ADRM1: variants seen among roughly 807,000 people sequenced by gnomAD.
ADRM1 encodes ADRM1 26S proteasome ubiquitin receptor.
In ADRM1, 2 loss-of-function variants were observed where a neutral mutation model predicts 40.1. That is an observed-to-expected ratio of 0.05 (90% confidence interval 0.02 to 0.16). The LOEUF (loss-of-function observed/expected upper bound fraction) is 0.16, where lower values mean the gene tolerates loss of function less well. Among genes scored for constraint, ADRM1 ranks in the 10% least tolerant of loss-of-function variants. The probability of loss-of-function intolerance (pLI) is 1.00; values close to 1 mark genes in which losing one functional copy is unlikely to be tolerated. For synonymous variants in ADRM1, 287 were observed against 240.4 expected (o/e 1.19, Z -1.79); for missense variants, 467 against 552.5 (o/e 0.85, Z 1.55).
chr20:62,306,743 C>T lies in ADRM1; in HGVS notation c.541+9C>T, dbSNP rs1434970902. The T allele has an allele frequency of 1.3e-5, 21 of 1,596,790 alleles. No homozygotes were observed. Among genetic ancestry groups the T allele is most frequent in the Admixed American group, 3.4e-5 (2 of 57,982 alleles). On this transcript the variant is annotated intron_variant, in intron 5 of 9. Transcript: ENST00000253003. ...CGGCCTTGGAGGACTGGGTAACGTG[C>T]GCCACCCGGGCTCTCGGGCAGCTTC... is the stretch of plus-strand genomic sequence containing the variant.
At position 62,307,780 on chromosome 20, in the gene ADRM1, A is replaced by C; in HGVS notation, c.808A>C (p.Ile270Leu). The change falls in exon 7 of 10, where the codon ATC becomes CTC. Residue 270 changes from isoleucine (I) to leucine (L), a missense_variant. Physicochemically the swap from Ile to Leu is conservative, Grantham distance 5. This residue lies in a region of ADRM1 where 418 missense variants were observed against 474.6 expected (regional missense o/e 0.88). Coordinates refer to ENST00000253003, the MANE Select transcript of ADRM1 (RefSeq NM_007002.4). ...CATCCAGCTGAGCGACCTCCAGAGC[A>C]TCCTGGCCACGATGAACGTACCAGC... Reference protein sequence around the residue: ...QPIQLSDLQSILATMNVPAGP... With the variant: ...QPIQLSDLQSLLATMNVPAGP... 12 of 1,611,478 alleles carry C rather than the reference A, an allele frequency of 7.4e-6. No individual in the cohort carries two copies. Among genetic ancestry groups the C allele is most frequent in the Non-Finnish European group, 1.0e-5 (12 of 1,179,630 alleles).
At position 62,304,725 on chromosome 20, in the gene ADRM1, G is replaced by A. The variant is rs2145998795; in HGVS notation, c.330+148G>A. 8 of 761,912 alleles carry A rather than the reference G, an allele frequency of 1.0e-5. 1 individual carries two copies. The highest frequency in any genetic ancestry group is 9.4e-5 in the South Asian group (6 of 64,096). The allele number at this position is 761,912 out of a possible 1,614,324, so 47.2% of individuals were successfully genotyped here. A position where few individuals can be genotyped will look rare whatever the true frequency, so the allele number is the denominator to read the frequency against. Reference sequence around the variant, plus strand: ...GCCTGAGATGCCACCTCAGGGCTGCGGTGCATGCTACCTGGGGCCGAGGTC... The same window carrying A: ...GCCTGAGATGCCACCTCAGGGCTGCAGTGCATGCTACCTGGGGCCGAGGTC... On this transcript the variant is annotated intron_variant, in intron 3 of 9. Coordinates refer to ENST00000253003, the MANE Select transcript of ADRM1 (RefSeq NM_007002.4).
At position 62,303,017 on chromosome 20, in the gene ADRM1, G is replaced by C. The variant is rs1334088718; in HGVS notation, c.-34G>C. On this transcript the variant is annotated 5_prime_UTR_variant, in exon 1 of 10. Coordinates refer to ENST00000253003, the MANE Select transcript of ADRM1 (RefSeq NM_007002.4). ...CCGAGGAGGAAGAGCGAGCCCGGAC[G>C]GCGCCTCTCGAACGAGTGTGGGCGC... 6.6e-6 allele frequency: 1 copy of C among 152,078 alleles called. No individual in the cohort carries two copies. The highest frequency in any genetic ancestry group is 6.6e-5 in the Admixed American group (1 of 15,262). The allele number at this position is 152,078 out of a possible 1,614,324, so 9.4% of individuals were successfully genotyped here. A position where few individuals can be genotyped will look rare whatever the true frequency, so the allele number is the denominator to read the frequency against.
At chr20:62,303,812 AGGC>A in intron 2 of ADRM1, 31 bp downstream of exon 2, 1 of 1,597,074 alleles carries the variant, frequency 6.3e-7, no homozygotes, top group Non-Finnish European at 8.5e-7. Flanking sequence ...GCAGCAGGAC[AGGC>A]GACTTCTCGG....
rs1324805970 is a variant in ADRM1, at chr20:62,303,069, T to G, written c.-2+20T>G. ...AGGCAGGTGCGGGAGTCGCCGGGCC[T>G]GGGGCGGCCGGGGGCGACCGGAGGC... On this transcript the variant is annotated intron_variant, in intron 1 of 9. Transcript: ENST00000253003. The G allele has an allele frequency of 2.9e-5, 4 of 139,060 alleles. No homozygotes were observed. Among genetic ancestry groups the G allele is most frequent in the Admixed American group, 1.4e-4 (2 of 13,998 alleles). 8.6% of individuals were successfully genotyped at this position (139,060 alleles called of 1,614,324 possible). A position where few individuals can be genotyped will look rare whatever the true frequency, so the allele number is the denominator to read the frequency against.
At position 62,303,709 on chromosome 20, in the gene ADRM1, G is replaced by A. The variant is rs924618727; in HGVS notation, c.141G>A (p.Val47=). The A allele has an allele frequency of 1.9e-6, 3 of 1,612,562 alleles. No individual in the cohort carries two copies. Among genetic ancestry groups the A allele is most frequent in the Middle Eastern group, 1.7e-4 (1 of 6,060 alleles). The change falls in exon 2 of 10, where the codon GTG becomes GTA. Residue 47 remains valine (V), a synonymous_variant. Coordinates refer to ENST00000253003, the MANE Select transcript of ADRM1 (RefSeq NM_007002.4). ...TVTPDKRKGL[V]YIQQTDDSLI... Reference sequence around the variant, plus strand: ...CTCCGGATAAGCGGAAAGGGCTGGTGTACATTCAGCAGACGGACGACTCGC... The same window carrying A: ...CTCCGGATAAGCGGAAAGGGCTGGTATACATTCAGCAGACGGACGACTCGC...
At chr20:62,304,771 T>C (rs536601078) in intron 3 of ADRM1, among the ~76,000 whole-genome samples, 194 bp downstream of exon 3, 5 of 152,356 alleles carry the variant, frequency 3.3e-5, no homozygotes, top group African/African-American at 1.2e-4. Context: ...GTACGGAGGC[T>C]CCAGGCTGGG....
At position 62,307,789 on chromosome 20, in the gene ADRM1, A is replaced by G. The variant is rs747004020; in HGVS notation, c.817A>G (p.Thr273Ala). ...GAGCGACCTCCAGAGCATCCTGGCC[A>G]CGATGAACGTACCAGCCGGGCCAGC... ...QLSDLQSILATMNVPAGPAGG... is the reference protein window; with the variant it reads ...QLSDLQSILAAMNVPAGPAGG... Residue 273 changes from threonine to alanine, a missense_variant, in exon 7 of 10, where the codon ACG (threonine) becomes GCG (alanine). Coordinates refer to ENST00000253003, the MANE Select transcript of ADRM1 (RefSeq NM_007002.4). The G allele has an allele frequency of 1.2e-6, 2 of 1,611,040 alleles. No homozygotes were observed. The highest frequency in any genetic ancestry group is 8.5e-7 in the Non-Finnish European group (1 of 1,179,436).
intron 5 of ADRM1, 124 bp downstream of exon 5, chr20:62,306,858 A>G (rs1601240611): frequency 6.2e-6 from 6 of 966,740 alleles, no homozygotes; most frequent in Non-Finnish European, 9.1e-6. Flanking sequence ...TGTGTCCGCA[A>G]GCTGGTTCCC....
chr20:62,303,270 C>G (rs1230427126), intron 1 of ADRM1: 1 of 245,846 alleles, frequency 4.1e-6, no homozygotes, highest in African/African-American at 2.2e-5. Flanking sequence ...TCGGGCGGGT[C>G]TGCCCCGCGG....
chr20:62,304,682 G>T, intron 3 of ADRM1, 105 bp downstream of exon 3: 1 of 1,037,212 alleles, frequency 9.6e-7, no homozygotes, highest in Non-Finnish European at 1.5e-6. Flanking sequence ...GCAGGCGCCG[G>T]CCACACCCGG....
intron 2 of ADRM1, 70 bp downstream of exon 2, chr20:62,303,851 T>G: frequency 6.6e-7 from 1 of 1,514,420 alleles, no homozygotes; most frequent in Non-Finnish European, 9.0e-7. Flanking sequence ...GCTTTGGAGT[T>G]CGCGGTGGGG....
chr20:62,307,021 G>C (rs909170474), intron 5 of ADRM1, among the ~76,000 whole-genome samples: 1 of 152,178 alleles, frequency 6.6e-6, no homozygotes, highest in African/African-American at 2.4e-5. Flanking sequence ...CCTGCGCCCT[G>C]GGTCCCCTGG....
chr20:62,308,079 T>C lies in ADRM1; in HGVS notation c.915T>C (p.Asp305=), dbSNP rs200717134. 47 of 1,611,782 alleles carry C rather than the reference T, an allele frequency of 2.9e-5. 1 individual carries two copies. The highest frequency in any genetic ancestry group is 1.7e-4 in the African/African-American group (13 of 75,064). ...EIMAPILANA[D]VQERLLPYLP... ...TGGCTCCCATCCTCGCCAACGCGGA[T>C]GTCCAGGAGCGCCTGCTTCCCTACT... is the stretch of plus-strand genomic sequence containing the variant. Residue 305 remains aspartate, a synonymous_variant, in exon 8 of 10, where the codon GAT becomes GAC. Transcript: ENST00000253003.
intron 5 of ADRM1, among the ~76,000 whole-genome samples, 175 bp from the exon 6 acceptor site, chr20:62,307,196 C>T (rs957023622): frequency 3.3e-5 from 5 of 152,238 alleles, no homozygotes; most frequent in African/African-American, 1.2e-4. Flanking sequence ...TTCCAGAACA[C>T]AGCCGCAAGT....
In ADRM1 at chr20:62,304,604, C is replaced by T. The variant is rs377260201; in HGVS notation, c.330+27C>T. ...TATGGGGCAGGCCTTGGGGTTGTGCCTTTTTGTTGCCCTGCGATTCGGTTA... is the reference window on the plus strand; with the variant it reads ...TATGGGGCAGGCCTTGGGGTTGTGCTTTTTTGTTGCCCTGCGATTCGGTTA... On this transcript the variant is annotated intron_variant, in intron 3 of 9. Coordinates refer to ENST00000253003, the MANE Select transcript of ADRM1 (RefSeq NM_007002.4). 3.1e-6 allele frequency: 5 copies of T among 1,602,008 alleles called. No homozygotes were observed. The African/African-American group carries it at 5.4e-5, about 17-fold the overall frequency.
chr20:62,306,357 C>T (rs1345866244), intron 4 of ADRM1, 37 bp downstream of exon 4: 9 of 1,612,000 alleles, frequency 5.6e-6, no homozygotes, highest in Middle Eastern at 1.6e-4. Flanking sequence ...TCAGGGTTTC[C>T]TGGGAGGCCA....
intron 3 of ADRM1, chr20:62,305,452 T>C (rs1009839715): frequency 6.6e-6 from 1 of 152,276 alleles, no homozygotes; most frequent in African/African-American, 2.4e-5. Context: ...TTAAACTTTA[T>C]TTGCAAACAC....
chr20:62,304,103 G>A (rs758270121), intron 2 of ADRM1: 17 of 498,898 alleles, frequency 3.4e-5, no homozygotes, highest in Admixed American at 1.8e-4. Flanking sequence ...CTCTGTGCCT[G>A]GCGGCTTCAC....
Sources: allele counts gnomAD v4.1 joint callset (sites outside exome capture counted in the v4.1 genomes callset), GRCh38; gene constraint gnomAD v4.1.1; regional missense constraint gnomAD v4.1.1; transcripts MANE v1.5; gene names NCBI Gene and HGNC (gene_info 2026-07-23, HGNC 2026-07-21).